Variants in PLXNA2 observed in about 807,000 individuals in gnomAD.
PLXNA2 encodes the protein plexin-A2.
In PLXNA2, 91 loss-of-function variants were observed where a neutral mutation model predicts 193.5. The ratio of observed to expected loss-of-function variants is 0.47; its 90% CI spans 0.40 to 0.56. The LOEUF (loss-of-function observed/expected upper bound fraction) is 0.56. Ranked by LOEUF, PLXNA2 falls within the 20% of genes least tolerant of loss-of-function variation. The probability of loss-of-function intolerance (pLI) is 0.00; values close to 1 mark genes in which losing one functional copy is unlikely to be tolerated. For missense variants in PLXNA2, 1,995 were observed against 2,503.2 expected, an observed-to-expected ratio of 0.80 and a Z score of 4.33; for synonymous variants, 997 against 1,027.3, an observed-to-expected ratio of 0.97 and a Z score of 0.56.
At chr1:208,027,896 A>T in intron 31 of PLXNA2, 113 bp downstream of exon 31, 1 of 1,000,738 alleles carries the variant, frequency 1.0e-6, no homozygotes, top group East Asian at 2.7e-5. Flanking sequence ...TTTCGAGCTC[A>T]TGGGCTTCTG....
Position 208,082,593 on chromosome 1 carries a change from C to T in PLXNA2, c.2299-85G>A. 1.1e-6 allele frequency: 1 copy of T among 907,468 alleles called. No homozygotes were observed. The highest frequency in any genetic ancestry group is 1.8e-6 in the Non-Finnish European group (1 of 560,170). 56.2% of individuals were successfully genotyped at this position (907,468 alleles called of 1,614,324 possible). A position where few individuals can be genotyped will look rare whatever the true frequency, so the allele number is the denominator to read the frequency against. On this transcript the variant is annotated intron_variant, in intron 10 of 31. Coordinates refer to ENST00000367033, the MANE Select transcript of PLXNA2 (RefSeq NM_025179.4). The surrounding 1 kb of genome is among the most constrained non-coding windows in gnomAD (Gnocchi z 4.2). Reference sequence around the variant, plus strand: ...ATGCAGACAAACCCTGCATGCTGCTCAGATTATTATGACGCTCTTTCCCTG... The same window carrying T: ...ATGCAGACAAACCCTGCATGCTGCTTAGATTATTATGACGCTCTTTCCCTG...
At chr1:208,139,944 A>T (rs1668413935) in intron 4 of PLXNA2, among the ~76,000 whole-genome samples, 1 of 152,158 alleles carries the variant, frequency 6.6e-6, no homozygotes, top group Admixed American at 6.5e-5. Context: ...CTCCACCACA[A>T]ATCCCCCTCA....
intron 28 of PLXNA2, 139 bp downstream of exon 28, chr1:208,033,180 G>T: frequency 1.3e-6 from 1 of 773,588 alleles, no homozygotes; most frequent in Non-Finnish European, 2.1e-6. Context: ...ATGGGCATGA[G>T]CCACCAGGTC....
intron 29 of PLXNA2, chr1:208,029,975 C>T (rs574346593): frequency 1.0e-4 from 100 of 985,450 alleles, no homozygotes; most frequent in Admixed American, 1.2e-4. Context: ...TTCCCAGCTC[C>T]CCAGCTTCTT....
At chr1:208,118,390 A>G (rs975140128) in intron 4 of PLXNA2, among the ~76,000 whole-genome samples, 2 of 152,190 alleles carry the variant, frequency 1.3e-5, no homozygotes, top group African/African-American at 4.8e-5. Flanking sequence ...CCCTTGACCC[A>G]CTGGCCACCC....
At chr1:208,132,139 C>A (rs1262363858) in intron 4 of PLXNA2, among the ~76,000 whole-genome samples, 1 of 152,168 alleles carries the variant, frequency 6.6e-6, no homozygotes, top group Non-Finnish European at 1.5e-5. Context: ...GAGGCATTTC[C>A]CCTGACTGTC....
chr1:208,106,026 C>A (rs1667260126), intron 4 of PLXNA2, among the ~76,000 whole-genome samples: 1 of 151,456 alleles, frequency 6.6e-6, no homozygotes, highest in Non-Finnish European at 1.5e-5. Context: ...AACATGAAAC[C>A]AATAGCACAA....
intron 3 of PLXNA2, among the ~76,000 whole-genome samples, chr1:208,185,432 C>CTA (rs1351063716): frequency 6.6e-6 from 1 of 152,012 alleles, no homozygotes; most frequent in Non-Finnish European, 1.5e-5. Context: ...ATGTCTTTAG[C>CTA]TATATATATC....
chr1:208,150,219 C>A (rs940182587), intron 3 of PLXNA2, among the ~76,000 whole-genome samples: 13 of 152,226 alleles, frequency 8.5e-5, no homozygotes, highest in African/African-American at 2.9e-4. Context: ...CATGCACACA[C>A]ACACTGCTTC....
chr1:208,058,133 C>G (rs900929429), intron 13 of PLXNA2, among the ~76,000 whole-genome samples: 18 of 152,308 alleles, frequency 1.2e-4, no homozygotes, highest in African/African-American at 4.3e-4. Flanking sequence ...ACACACATCT[C>G]ACATCCATCC....
chr1:208,046,552 G>A (rs1371375667), intron 17 of PLXNA2, among the ~76,000 whole-genome samples: 1 of 151,764 alleles, frequency 6.6e-6, no homozygotes, highest in Non-Finnish European at 1.5e-5. Flanking sequence ...GTGTCTGTGT[G>A]TGTGCATGAG....
chr1:208,093,303 A>C (rs1194890856), intron 8 of PLXNA2, among the ~76,000 whole-genome samples: 3 of 152,220 alleles, frequency 2.0e-5, no homozygotes, highest in Non-Finnish European at 4.4e-5. Context: ...GTAGCTAAAC[A>C]GTTCCCAATA....
intron 13 of PLXNA2, among the ~76,000 whole-genome samples, chr1:208,057,344 C>A (rs2102344161): frequency 6.6e-6 from 1 of 152,326 alleles, no homozygotes; most frequent in East Asian, 1.9e-4. Flanking sequence ...AGAGCTCATG[C>A]TTCTGACCAC....
At position 208,028,153 on chromosome 1, in the gene PLXNA2, G is replaced by A. The variant is rs756463636; in HGVS notation, c.5445C>T (p.Tyr1815=). The change falls in exon 31 of 32, where the codon TAC becomes TAT. Residue 1815 remains tyrosine (Y), a synonymous_variant. Coordinates refer to ENST00000367033, the MANE Select transcript of PLXNA2 (RefSeq NM_025179.4). The surrounding 1 kb of genome is among the most constrained non-coding windows in gnomAD (Gnocchi z 4.2). ...PSYKSWVERY[Y]ADIAKLPAIS... ...TGGCTGGGAGCTTGGCGATGTCTGCGTAGTATCTGCCAGAGACAGGATAGG... is the reference window on the plus strand; with the variant it reads ...TGGCTGGGAGCTTGGCGATGTCTGCATAGTATCTGCCAGAGACAGGATAGG... 92 of 1,610,894 alleles carry A rather than the reference G, an allele frequency of 5.7e-5. No homozygotes were observed. The African/African-American group carries it at 7.5e-4, about 13-fold the overall frequency.
rs143834513 is a variant in PLXNA2 at position 208,236,114 on chromosome 1, C to T, written c.-81+7529G>A. ...TAAAACGTGGAGTGGAGACCTGGAA[C>T]GAGAGCTTTGCTGACTCACGAGGGG... On this transcript the variant is annotated intron_variant, in intron 1 of 31. Coordinates refer to ENST00000367033, the MANE Select transcript of PLXNA2 (RefSeq NM_025179.4). The surrounding 1 kb of genome is among the most constrained non-coding windows in gnomAD (Gnocchi z 4.4). Among the ~76,000 whole-genome samples the T allele has an allele frequency of 1.6e-4, 25 of 152,278 alleles. No homozygotes were observed. In the East Asian group the frequency reaches 3.1e-3, roughly 19 times the overall value.
At chr1:208,049,219 C>T (rs1665172297) in intron 17 of PLXNA2, among the ~76,000 whole-genome samples, 1 of 152,062 alleles carries the variant, frequency 6.6e-6, no homozygotes, top group Non-Finnish European at 1.5e-5. Flanking sequence ...GGGATTTGAT[C>T]TATGAGTAGA....
chr1:208,108,417 C>T (rs1011303726), intron 4 of PLXNA2, among the ~76,000 whole-genome samples: 1 of 152,200 alleles, frequency 6.6e-6, no homozygotes, highest in South Asian at 2.1e-4. Context: ...CCATCAGGAG[C>T]AGACACATCA....
In PLXNA2 at chr1:208,022,332, A is replaced by C. The variant is rs1664206638; in HGVS notation, c.*4911T>G. The C allele has an allele frequency of 6.6e-6, 1 of 152,456 alleles. No individual in the cohort carries two copies. The highest frequency in any genetic ancestry group is 1.5e-5 in the Non-Finnish European group (1 of 68,008). 9.4% of individuals were successfully genotyped at this position (152,456 alleles called of 1,614,324 possible). On this transcript the variant is annotated 3_prime_UTR_variant, in exon 32 of 32. Transcript: ENST00000367033. Reference sequence around the variant, plus strand: ...TTGTGTCCTCAGCTTGCAAAATAGGAGTGTTTCATATTTACAATAGGTACA... The same window carrying C: ...TTGTGTCCTCAGCTTGCAAAATAGGCGTGTTTCATATTTACAATAGGTACA...
At chr1:208,107,270 G>T (rs975307641) in intron 4 of PLXNA2, among the ~76,000 whole-genome samples, 1 of 152,158 alleles carries the variant, frequency 6.6e-6, no homozygotes, top group Non-Finnish European at 1.5e-5. Flanking sequence ...CGATTCTTAC[G>T]CAGGCCAACC....
Sources: gnomAD v4.1 joint callset for allele counts (sites outside exome capture counted in the v4.1 genomes callset) on GRCh38, gnomAD v4.1.1 for gene constraint, Gnocchi (gnomAD v3.1) non-coding constraint, MANE v1.5 for transcripts, NCBI Gene and HGNC (gene_info 2026-07-23, HGNC 2026-07-21) for gene names.